MRC1: variants seen among roughly 807,000 people sequenced by gnomAD.
MRC1 encodes macrophage mannose receptor 1.
A neutral mutation model predicts 102.9 loss-of-function variants in MRC1; 62 were observed. The ratio of observed to expected loss-of-function variants is 0.60; its 90% CI spans 0.49 to 0.74. The LOEUF is 0.74. Among genes scored for constraint, MRC1 ranks in the 30% least tolerant of loss-of-function variants. The pLI is 0.00. For synonymous variants in MRC1, 457 were observed against 298.4 expected (o/e 1.53, Z -5.48); for missense variants, 1,237 against 862.8 (o/e 1.43, Z -5.43).
At chr10:17,842,747 T>C (rs1370678438) in intron 5 of MRC1, among the ~76,000 whole-genome samples, 1 of 152,208 alleles carries the variant, frequency 6.6e-6, no homozygotes, top group Non-Finnish European at 1.5e-5. Flanking sequence ...TTGGGGGTGA[T>C]GATTATATTT....
chr10:17,815,312 T>C (rs1194246922), intron 1 of MRC1, among the ~76,000 whole-genome samples: 1 of 152,132 alleles, frequency 6.6e-6, no homozygotes, highest in Admixed American at 6.5e-5. Flanking sequence ...CATGATCAGA[T>C]TGACATGATA....
intron 5 of MRC1, among the ~76,000 whole-genome samples, chr10:17,844,467 G>C (rs979074070): frequency 1.3e-5 from 2 of 151,978 alleles, no homozygotes; most frequent in African/African-American, 2.4e-5. Context: ...TGATCCATCC[G>C]CCTCAGCCTC....
intron 23 of MRC1, among the ~76,000 whole-genome samples, chr10:17,896,344 C>A (rs1471868766): frequency 2.0e-5 from 3 of 152,162 alleles, no homozygotes; most frequent in African/African-American, 7.2e-5. Flanking sequence ...CAAAAGCCAT[C>A]CCAGTGCATG....
At chr10:17,896,461 CCTTCCAGG>C in intron 23 of MRC1, among the ~76,000 whole-genome samples, 1 of 152,286 alleles carries the variant, frequency 6.6e-6, no homozygotes, top group Non-Finnish European at 1.5e-5. Context: ...AGGGGACACT[CCTTCCAGG>C]AGTGAATGGT....
intron 21 of MRC1, among the ~76,000 whole-genome samples, chr10:17,882,137 A>G (rs1456717977): frequency 6.6e-6 from 1 of 152,142 alleles, no homozygotes; most frequent in Non-Finnish European, 1.5e-5. Flanking sequence ...ATTAGGTTAA[A>G]TTGTGACTTG....
intron 4 of MRC1, among the ~76,000 whole-genome samples, chr10:17,836,219 A>C (rs1444378410): frequency 1.3e-5 from 2 of 152,228 alleles, no homozygotes; most frequent in Non-Finnish European, 2.9e-5. Flanking sequence ...CAACCAGAAC[A>C]CATCTCTCCT....
rs1833360912 is a variant in MRC1, at chr10:17,871,979, T to C, written c.2200-3T>C. 2 of 780,398 alleles carry C rather than the reference T, an allele frequency of 2.6e-6. No individual in the cohort carries two copies. The highest frequency in any genetic ancestry group is 1.7e-5 in the Admixed American group (1 of 58,990). 48.3% of individuals were successfully genotyped at this position (780,398 alleles called of 1,614,324 possible). ...TGGTTGTAGTTTAATGTTTCTAATA[T>C]AGGTTTCATATGAAAACTGGGCTTA... On this transcript the variant is annotated splice_region_variant and splice_polypyrimidine_tract_variant and intron_variant, in intron 14 of 29. Coordinates refer to ENST00000569591, the MANE Select transcript of MRC1 (RefSeq NM_002438.4).
intron 10 of MRC1, 68 bp downstream of exon 10, chr10:17,861,570 A>G: frequency 1.3e-6 from 1 of 771,090 alleles, no homozygotes; most frequent in South Asian, 1.4e-5. Context: ...AAGCCCAAGT[A>G]TCAACATGCT....
In MRC1 at chr10:17,907,591, A is replaced by T; in HGVS notation, c.3971A>T (p.Asp1324Val). The change falls in exon 28 of 30, where the codon GAT becomes GTT. Residue 1324 changes from aspartate to valine, a missense_variant. Asp to Val is a radical substitution (Grantham distance 152). Coordinates refer to ENST00000569591, the MANE Select transcript of MRC1 (RefSeq NM_002438.4). ...TCCTTTGTCAACTGGAACACAGGAG[A>T]TCCCTCTGGTGAACGGAATGATTGT... ...PVSFVNWNTG[D>V]PSGERNDCVA... 1 of 780,864 alleles carries T rather than the reference A, an allele frequency of 1.3e-6. No homozygotes were observed. Among genetic ancestry groups the T allele is most frequent in the Non-Finnish European group, 2.4e-6 (1 of 417,962 alleles). 48.4% of individuals were successfully genotyped at this position (780,864 alleles called of 1,614,324 possible).
At chr10:17,906,364 G>C (rs1005917285) in intron 26 of MRC1, among the ~76,000 whole-genome samples, 1 of 146,186 alleles carries the variant, frequency 6.8e-6, no homozygotes, top group Admixed American at 6.9e-5. Context: ...AGCTATCTCT[G>C]TTCCTGAAGA....
In MRC1 at chr10:17,870,359, A is replaced by G. The variant is rs2130675447; in HGVS notation, c.2097A>G (p.Ile699Met). 1 of 780,378 alleles carries G rather than the reference A, an allele frequency of 1.3e-6. No homozygotes were observed. Among genetic ancestry groups the G allele is most frequent in the East Asian group, 2.4e-5 (1 of 41,224 alleles). 48.3% of individuals were successfully genotyped at this position (780,378 alleles called of 1,614,324 possible). The change falls in exon 13 of 30, where the codon ATA becomes ATG. Residue 699 changes from isoleucine (I) to methionine (M), a missense_variant. Physicochemically the swap from Ile to Met is conservative, Grantham distance 10 (BLOSUM62 1). Transcript: ENST00000569591. The stretch of plus-strand genomic sequence containing the variant: ...ATAACAAAGAGGAACAGCAAACAAT[A>G]TGGCGATTAATAACGTAAGTGGTAT... The part of the protein sequence containing the change: ...SINNKEEQQT[I>M]WRLITASGSY...
intron 17 of MRC1, among the ~76,000 whole-genome samples, chr10:17,875,591 T>C (rs1044523709): frequency 1.3e-5 from 2 of 152,216 alleles, no homozygotes; most frequent in Non-Finnish European, 2.9e-5. Flanking sequence ...CAAATGTCAT[T>C]ATTTCATTCC....
In MRC1 at chr10:17,872,058, A is replaced by T; in HGVS notation, c.2276A>T (p.Asp759Val). The T allele has an allele frequency of 3.8e-6, 3 of 780,688 alleles. No individual in the cohort carries two copies. Among genetic ancestry groups the T allele is most frequent in the Non-Finnish European group, 7.2e-6 (3 of 417,862 alleles). 48.4% of individuals were successfully genotyped at this position (780,688 alleles called of 1,614,324 possible). A position where few individuals can be genotyped will look rare whatever the true frequency, so the allele number is the denominator to read the frequency against. The change falls in exon 15 of 30, where the codon GAC (aspartate) becomes GTC (valine). Residue 759 changes from aspartate to valine, a missense_variant. Physicochemically the swap from Asp to Val is radical, Grantham distance 152. Coordinates refer to ENST00000569591, the MANE Select transcript of MRC1 (RefSeq NM_002438.4). ...GAATACTGTGGTGAGCTGAAAGGTG[A>T]CCCTACTATGTCTTGGAATGATATT... Reference protein sequence around the residue: ...NVEYCGELKGDPTMSWNDINC... With the variant: ...NVEYCGELKGVPTMSWNDINC...
intron 4 of MRC1, among the ~76,000 whole-genome samples, chr10:17,840,226 T>G (rs1431034252): frequency 6.6e-6 from 1 of 152,216 alleles, no homozygotes; most frequent in Non-Finnish European, 1.5e-5. Flanking sequence ...CAAAGCATCC[T>G]TGGTGTTAGC....
intron 1 of MRC1, among the ~76,000 whole-genome samples, chr10:17,822,764 G>A (rs1838415371): frequency 1.3e-5 from 2 of 152,060 alleles, no homozygotes; most frequent in African/African-American, 4.8e-5. Flanking sequence ...TCCACTCCTG[G>A]ACAATCCTTG....
chr10:17,899,669 T>C (rs1434113363), intron 24 of MRC1, among the ~76,000 whole-genome samples: 1 of 152,192 alleles, frequency 6.6e-6, no homozygotes, highest in East Asian at 1.9e-4. Flanking sequence ...ATTAATATTA[T>C]ATATCATCTA....
intron 3 of MRC1, among the ~76,000 whole-genome samples, chr10:17,829,709 C>A (rs920886212): frequency 1.3e-4 from 19 of 151,386 alleles, no homozygotes; most frequent in African/African-American, 4.4e-4. Context: ...GTTTCATGGA[C>A]TTTCTTAAGG....
intron 20 of MRC1, 130 bp from the exon 21 acceptor site, chr10:17,880,937 G>A (rs908528702): frequency 1.8e-5 from 13 of 720,900 alleles, no homozygotes; most frequent in African/African-American, 5.3e-5. Context: ...TAAATCTCCA[G>A]TTGGTGGTGA....
intron 26 of MRC1, among the ~76,000 whole-genome samples, chr10:17,904,385 A>C (rs1833869791): frequency 6.6e-6 from 1 of 152,162 alleles, no homozygotes; most frequent in Non-Finnish European, 1.5e-5. Context: ...TAGCTTTGTT[A>C]AATAGAAAAT....
Sources: gnomAD v4.1 joint callset for allele counts (sites outside exome capture counted in the v4.1 genomes callset) on GRCh38, gnomAD v4.1.1 for gene constraint, MANE v1.5 for transcripts, NCBI Gene and HGNC (gene_info 2026-07-23, HGNC 2026-07-21) for gene names.